Variants in VCAN observed in about 807,000 individuals in gnomAD.
The protein encoded by VCAN is versican.
In VCAN, 44 loss-of-function variants were observed where a neutral mutation model predicts 245.5. That is an observed-to-expected ratio of 0.18 (90% CI 0.14 to 0.23). The LOEUF is 0.23. Among genes scored for constraint, VCAN ranks in the 10% least tolerant of loss-of-function variants. The pLI, the probability that VCAN is intolerant of heterozygous loss-of-function variation, is 1.00. For missense variants in VCAN, 3,793 were observed against 4,057.9 expected, an observed-to-expected ratio of 0.93 and a Z score of 1.77; for synonymous variants, 1,413 against 1,437.0, an observed-to-expected ratio of 0.98 and a Z score of 0.38.
Position 83,539,823 on chromosome 5 carries a change from A to C in VCAN, c.6820A>C (p.Thr2274Pro), listed in dbSNP as rs746473196. Reference protein sequence around the residue: ...PTLPTESVNFTEVEQINNTLY... With the variant: ...PTLPTESVNFPEVEQINNTLY... ...TCTACCAACAGAGTCAGTGAATTTT[A>C]CTGAAGTGGAACAAATCAATAACAC... is the stretch of plus-strand genomic sequence containing the variant. Residue 2274 changes from threonine (T) to proline (P), a missense_variant, in exon 8 of 15, where the codon ACT becomes CCT. By Grantham distance (38) the Thr-to-Pro change is conservative. Transcript: ENST00000265077. 2 of 1,614,044 alleles carry C rather than the reference A, an allele frequency of 1.2e-6. No individual in the cohort carries two copies. The highest frequency in any genetic ancestry group is 3.3e-5 in the Admixed American group (2 of 59,974).
At position 83,520,204 on chromosome 5, in the gene VCAN, A is replaced by G. The variant is rs768587164; in HGVS notation, c.1898A>G (p.Glu633Gly). The stretch of plus-strand genomic sequence containing the variant: ...AGACAAACTAGTGGTAGGATAACGG[A>G]AGAGTTTCTTGGCAAATATCTGTCT... ...EERQTSGRIT[E>G]EFLGKYLSTT... Residue 633 changes from glutamate (E) to glycine (G), a missense_variant, in exon 7 of 15, where the codon GAA becomes GGA. Glu to Gly is a moderately conservative substitution (Grantham distance 98). Around this residue, in one of 5 missense-constraint regions of VCAN, gnomAD observed 3,182 missense variants for 3,250.3 expected, o/e 0.98. Transcript: ENST00000265077. 5 of 1,614,048 alleles carry G rather than the reference A, an allele frequency of 3.1e-6. No homozygotes were observed. The highest frequency in any genetic ancestry group is 3.3e-5 in the Admixed American group (2 of 60,016).
intron 1 of VCAN, among the ~76,000 whole-genome samples, chr5:83,477,308 G>A (rs1440761568): frequency 2.0e-5 from 3 of 152,084 alleles, no homozygotes; most frequent in African/African-American, 7.2e-5. Context: ...AAATCAGAGA[G>A]GGGCATATTG....
At chr5:83,491,094 G>C (rs944782207) in intron 3 of VCAN, among the ~76,000 whole-genome samples, 1 of 152,110 alleles carries the variant, frequency 6.6e-6, no homozygotes, top group African/African-American at 2.4e-5. Context: ...TAATATCCTA[G>C]TTGTTATCCG....
chr5:83,531,591 G>A (rs901578532), intron 7 of VCAN, among the ~76,000 whole-genome samples: 1 of 152,132 alleles, frequency 6.6e-6, no homozygotes, highest in African/African-American at 2.4e-5. Context: ...AAAAAGAAAT[G>A]TGATCCTAAT....
chr5:83,572,892 TA>T (rs1748342202), intron 13 of VCAN, among the ~76,000 whole-genome samples: 1 of 149,262 alleles, frequency 6.7e-6, no homozygotes, highest in African/African-American at 2.5e-5. Context: ...TTTATTTATT[TA>T]TTTATTTATT....
intron 5 of VCAN, among the ~76,000 whole-genome samples, chr5:83,502,085 G>A (rs971394075): frequency 2.6e-5 from 4 of 151,896 alleles, no homozygotes; most frequent in African/African-American, 9.7e-5. Flanking sequence ...TTTTTTGATT[G>A]TTTATTACAA....
chr5:83,476,208 A>G (rs1183529298), intron 1 of VCAN, among the ~76,000 whole-genome samples: 1 of 152,218 alleles, frequency 6.6e-6, no homozygotes, highest in East Asian at 1.9e-4. Flanking sequence ...TGAGAGCGCA[A>G]AGATCAACTA....
intron 7 of VCAN, among the ~76,000 whole-genome samples, chr5:83,532,479 G>T (rs2112431138): frequency 6.6e-6 from 1 of 152,054 alleles, no homozygotes; most frequent in East Asian, 1.9e-4. Context: ...ATAAAATTTA[G>T]ATTGTATGTA....
At chr5:83,553,671 C>A in intron 11 of VCAN, 149 bp downstream of exon 11, 1 of 1,138,504 alleles carries the variant, frequency 8.8e-7, no homozygotes, top group Non-Finnish European at 1.2e-6. Context: ...AATCATCTCA[C>A]CTATGTTAAG....
intron 7 of VCAN, among the ~76,000 whole-genome samples, chr5:83,528,564 T>C (rs1212762277): frequency 6.6e-6 from 1 of 152,102 alleles, no homozygotes; most frequent in Admixed American, 6.5e-5. Context: ...AGCAGTGTTG[T>C]CACACTTTTC....
intron 3 of VCAN, among the ~76,000 whole-genome samples, chr5:83,491,359 G>A (rs1433095590): frequency 1.3e-5 from 2 of 152,020 alleles, no homozygotes; most frequent in Non-Finnish European, 2.9e-5. Flanking sequence ...TATATACAAA[G>A]GGTTTTATTA....
chr5:83,489,444 C>T (rs1288468772), intron 2 of VCAN, among the ~76,000 whole-genome samples: 1 of 152,160 alleles, frequency 6.6e-6, no homozygotes, highest in Non-Finnish European at 1.5e-5. Context: ...TGAACAGAAA[C>T]CAACCTTTCC....
At chr5:83,532,024 T>A (rs890876015) in intron 7 of VCAN, among the ~76,000 whole-genome samples, 1 of 152,110 alleles carries the variant, frequency 6.6e-6, no homozygotes, top group Non-Finnish European at 1.5e-5. Flanking sequence ...AATAGAGCAG[T>A]CTTTTATAAG....
chr5:83,572,368 G>T, intron 12 of VCAN, 48 bp from the exon 13 acceptor site: 2 of 1,610,760 alleles, frequency 1.2e-6, no homozygotes, highest in Non-Finnish European at 1.7e-6. Context: ...TTGCTCTTAC[G>T]TTACTTTTTG....
chr5:83,477,375 A>G (rs185053349), intron 1 of VCAN, among the ~76,000 whole-genome samples: 52 of 152,292 alleles, frequency 3.4e-4, no homozygotes, highest in Admixed American at 1.0e-3. Flanking sequence ...ATTGACTCCA[A>G]TGAAGTTGGA....
At position 83,540,981 on chromosome 5, in the gene VCAN, A is replaced by G. The variant is rs2112448580; in HGVS notation, c.7978A>G (p.Arg2660Gly). 1.2e-6 allele frequency: 2 copies of G among 1,614,134 alleles called. No individual in the cohort carries two copies. The highest frequency in any genetic ancestry group is 4.5e-5 in the East Asian group (2 of 44,874). ...THDESMTYED[R>G]SQLDHMGFHF... The stretch of plus-strand genomic sequence containing the variant: ...TGATGAATCAATGACTTATGAAGAT[A>G]GAAGCCAACTAGATCACATGGGCTT... Residue 2660 changes from arginine (R) to glycine (G), a missense_variant, in exon 8 of 15, where the codon AGA becomes GGA. Arg to Gly is a moderately radical substitution (Grantham distance 125, BLOSUM62 -2). Transcript: ENST00000265077.
intron 12 of VCAN, among the ~76,000 whole-genome samples, chr5:83,559,887 A>G (rs904864715): frequency 4.6e-5 from 7 of 152,048 alleles, no homozygotes; most frequent in African/African-American, 1.7e-4. Context: ...TGAACACATT[A>G]TGTCTTTCAG....
At chr5:83,556,162 T>G (rs999059707) in intron 12 of VCAN, among the ~76,000 whole-genome samples, 2 of 152,206 alleles carry the variant, frequency 1.3e-5, no homozygotes, top group Non-Finnish European at 2.9e-5. Context: ...CTTATGTTTA[T>G]TCCCCACAAT....
chr5:83,551,872 A>G (rs979726174), intron 10 of VCAN, among the ~76,000 whole-genome samples: 1 of 141,066 alleles, frequency 7.1e-6, no homozygotes, highest in Admixed American at 7.3e-5. Flanking sequence ...ACATCCAAGT[A>G]GCCAAAATTT....
Sources: allele counts gnomAD v4.1 joint callset (sites outside exome capture counted in the v4.1 genomes callset), GRCh38; gene constraint gnomAD v4.1.1; regional missense constraint gnomAD v4.1.1; transcripts MANE v1.5; gene names NCBI Gene and HGNC (gene_info 2026-07-23, HGNC 2026-07-21).